Variants in HMCN1 observed in about 807,000 individuals in gnomAD.
HMCN1 encodes hemicentin 1, also known as hemicentin-1.
A neutral mutation model predicts 625.9 loss-of-function variants in HMCN1; 321 were observed. The ratio of observed to expected loss-of-function variants is 0.51; its 90% CI spans 0.47 to 0.56. The LOEUF (loss-of-function observed/expected upper bound fraction) is 0.56, where lower values mean the gene tolerates loss of function less well. HMCN1 is among the 20% of genes least tolerant of loss of function. The pLI is 0.00. For missense variants in HMCN1, 6,588 were observed against 6,887.3 expected, an observed-to-expected ratio of 0.96 and a Z score of 1.54; for synonymous variants, 2,425 against 2,417.6, an observed-to-expected ratio of 1.00 and a Z score of -0.09.
intron 96 of HMCN1, among the ~76,000 whole-genome samples, chr1:186,153,271 T>G (rs1270729771): frequency 3.3e-5 from 5 of 152,218 alleles, no homozygotes; most frequent in Non-Finnish European, 5.9e-5. Context: ...CTGAAATTTA[T>G]GACAGCAAAA....
chr1:185,798,814 A>G (rs1204147731), intron 1 of HMCN1, among the ~76,000 whole-genome samples: 1 of 151,716 alleles, frequency 6.6e-6, no homozygotes, highest in Non-Finnish European at 1.5e-5. Flanking sequence ...TTGGTTTCCA[A>G]CTTTCTCTTG....
intron 71 of HMCN1, 44 bp downstream of exon 71, chr1:186,108,641 A>G: frequency 1.2e-6 from 2 of 1,610,360 alleles, no homozygotes; most frequent in Non-Finnish European, 1.7e-6. Context: ...TTGAGATGAA[A>G]AAAGTAAAAA....
intron 45 of HMCN1, among the ~76,000 whole-genome samples, chr1:186,056,163 G>A (rs1433676054): frequency 2.6e-5 from 4 of 151,950 alleles, no homozygotes; most frequent in Admixed American, 2.6e-4. Context: ...ACTTAGATGT[G>A]TACAATTTGA....
chr1:186,131,984 G>C (rs1661961262), intron 85 of HMCN1, among the ~76,000 whole-genome samples: 1 of 152,040 alleles, frequency 6.6e-6, no homozygotes, highest in Non-Finnish European at 1.5e-5. Flanking sequence ...TATAAGTATA[G>C]CATTAGTATT....
intron 10 of HMCN1, 42 bp downstream of exon 10, chr1:185,928,709 G>A (rs768753574): frequency 1.9e-6 from 3 of 1,602,774 alleles, no homozygotes; most frequent in Non-Finnish European, 2.6e-6. Context: ...AAGTATTAAT[G>A]CAGCTATGGA....
intron 1 of HMCN1, among the ~76,000 whole-genome samples, chr1:185,837,852 G>A (rs1405243064): frequency 6.6e-6 from 1 of 152,118 alleles, no homozygotes; most frequent in Non-Finnish European, 1.5e-5. Context: ...GGATCAGCCA[G>A]GAAACAGGAA....
intron 6 of HMCN1, among the ~76,000 whole-genome samples, chr1:185,916,486 C>A (rs1666711019): frequency 6.6e-6 from 1 of 152,104 alleles, no homozygotes; most frequent in Non-Finnish European, 1.5e-5. Flanking sequence ...TTAGTTGTTA[C>A]TAAAAATGTT....
intron 1 of HMCN1, among the ~76,000 whole-genome samples, chr1:185,758,676 A>G (rs1363323570): frequency 6.7e-6 from 1 of 150,236 alleles, no homozygotes; most frequent in Admixed American, 6.6e-5. Flanking sequence ...ACAAACAGAA[A>G]CTCTTTGTCT....
intron 1 of HMCN1, among the ~76,000 whole-genome samples, chr1:185,783,982 G>A (rs962847786): frequency 3.9e-5 from 6 of 152,308 alleles, no homozygotes; most frequent in Middle Eastern, 3.4e-3. Flanking sequence ...CTTTAGCTGC[G>A]GTGGGCTCCA....
At chr1:186,064,879 G>A (rs1337426596) in intron 48 of HMCN1, among the ~76,000 whole-genome samples, 2 of 150,334 alleles carry the variant, frequency 1.3e-5, no homozygotes, top group Non-Finnish European at 1.5e-5. Flanking sequence ...AAAAATGAAT[G>A]CTGCATTATT....
chr1:186,035,960 A>C (rs1168963337), intron 36 of HMCN1, among the ~76,000 whole-genome samples: 1 of 152,156 alleles, frequency 6.6e-6, no homozygotes, highest in East Asian at 1.9e-4. Context: ...AGGACATATT[A>C]AAATATGCCA....
At chr1:185,866,796 T>C (rs1022356104) in intron 4 of HMCN1, among the ~76,000 whole-genome samples, 10 of 152,172 alleles carry the variant, frequency 6.6e-5, no homozygotes, top group African/African-American at 2.2e-4. Context: ...TGACTCTCAT[T>C]TAAGTTTCTA....
chr1:185,904,572 ATT>A (rs1381492383), intron 4 of HMCN1, among the ~76,000 whole-genome samples: 1 of 151,760 alleles, frequency 6.6e-6, no homozygotes, highest in African/African-American at 2.4e-5. Context: ...ACTCTTGAAA[ATT>A]GTCATTTTTT....
At chr1:185,767,153 GAAT>G (rs1557952073) in intron 1 of HMCN1, among the ~76,000 whole-genome samples, 1 of 152,018 alleles carries the variant, frequency 6.6e-6, no homozygotes, top group Non-Finnish European at 1.5e-5. Flanking sequence ...TCAAATTAGT[GAAT>G]AACATGCTTC....
intron 4 of HMCN1, among the ~76,000 whole-genome samples, chr1:185,904,322 T>C (rs767979482): frequency 6.6e-6 from 1 of 151,814 alleles, no homozygotes; most frequent in Non-Finnish European, 1.5e-5. Flanking sequence ...AGCCTGCCAT[T>C]GCTATAACAT....
chr1:185,900,254 A>G (rs1323530839), intron 4 of HMCN1, among the ~76,000 whole-genome samples: 2 of 151,968 alleles, frequency 1.3e-5, no homozygotes, highest in East Asian at 3.9e-4. Flanking sequence ...GTTGTTTCCA[A>G]CTACCATCTC....
chr1:185,902,492 GAAGCTATTC>G (rs1304423159), intron 4 of HMCN1, among the ~76,000 whole-genome samples: 4 of 151,492 alleles, frequency 2.6e-5, no homozygotes. Flanking sequence ...AGATGACCCT[GAAGCTATTC>G]ATGGAGTCCA....
intron 49 of HMCN1, among the ~76,000 whole-genome samples, chr1:186,065,709 A>G (rs1658066580): frequency 6.6e-6 from 1 of 152,170 alleles, no homozygotes; most frequent in Non-Finnish European, 1.5e-5. Flanking sequence ...TGTTGGTCAA[A>G]GAGAAGCAGG....
chr1:186,078,877 G>C (rs1658992217), intron 55 of HMCN1, among the ~76,000 whole-genome samples: 1 of 152,026 alleles, frequency 6.6e-6, no homozygotes, highest in South Asian at 2.1e-4. Context: ...TTCCTGTAAG[G>C]GAAAAGATAA....
Sources: gnomAD v4.1 joint callset for allele counts (sites outside exome capture counted in the v4.1 genomes callset) on GRCh38, gnomAD v4.1.1 for gene constraint, MANE v1.5 for transcripts, NCBI Gene and HGNC (gene_info 2026-07-23, HGNC 2026-07-21) for gene names.